Variants in TPST1 observed in about 807,000 individuals in gnomAD.
TPST1 encodes the protein tyrosylprotein sulfotransferase 1, also known as protein-tyrosine sulfotransferase 1.
In TPST1, 20 loss-of-function variants were observed where a neutral mutation model predicts 34.8. That is an observed-to-expected ratio of 0.57 (90% confidence interval 0.40 to 0.84). The LOEUF is 0.84. Ranked by LOEUF, TPST1 falls within the 40% of genes least tolerant of loss-of-function variation. The pLI, the probability that TPST1 is intolerant of heterozygous loss-of-function variation, is 0.00. For synonymous variants in TPST1, 152 were observed against 159.4 expected, an observed-to-expected ratio of 0.95 and a Z score of 0.35; for missense variants, 353 against 455.5, an observed-to-expected ratio of 0.78 and a Z score of 2.05.
intron 2 of TPST1, among the ~76,000 whole-genome samples, chr7:66,250,830 G>A (rs1466702584): frequency 6.6e-6 from 1 of 152,144 alleles, no homozygotes; most frequent in East Asian, 1.9e-4. Context: ...TTACTTCAAC[G>A]TAAGCACTGC....
At chr7:66,280,769 A>T (rs185916811) in intron 2 of TPST1, among the ~76,000 whole-genome samples, 3,834 of 152,190 alleles carry the variant, frequency 0.025, 83 homozygotes, top group Middle Eastern at 0.075. Flanking sequence ...CTTTTGATTG[A>T]TTTCTTGTTA....
intron 2 of TPST1, among the ~76,000 whole-genome samples, chr7:66,274,830 T>G (rs2115833446): frequency 6.6e-6 from 1 of 152,274 alleles, no homozygotes; most frequent in South Asian, 2.1e-4. Context: ...AAAAAATGCT[T>G]AGCATCGCTA....
chr7:66,245,324 A>G (rs903256617), intron 2 of TPST1, among the ~76,000 whole-genome samples: 7 of 152,204 alleles, frequency 4.6e-5, no homozygotes, highest in Non-Finnish European at 8.8e-5. Context: ...ATTTGTAGCC[A>G]GAGAGTAAGG....
intron 2 of TPST1, among the ~76,000 whole-genome samples, chr7:66,284,625 C>T (rs529241906): frequency 9.2e-5 from 13 of 141,724 alleles, no homozygotes; most frequent in African/African-American, 3.2e-4. Flanking sequence ...GGTGTGATCT[C>T]GGTTCACCGC....
At chr7:66,262,350 G>A (rs1248116270) in intron 2 of TPST1, among the ~76,000 whole-genome samples, 1 of 152,028 alleles carries the variant, frequency 6.6e-6, no homozygotes, top group African/African-American at 2.4e-5. Flanking sequence ...CTTTCATTGG[G>A]CATACAGAAA....
chr7:66,276,523 G>A (rs926211914), intron 2 of TPST1, among the ~76,000 whole-genome samples: 10 of 151,110 alleles, frequency 6.6e-5, no homozygotes, highest in Non-Finnish European at 1.3e-4. Flanking sequence ...ACAGGCATGT[G>A]CCATCATGCC....
At chr7:66,296,360 A>G (rs1288088383) in intron 3 of TPST1, among the ~76,000 whole-genome samples, 3 of 151,200 alleles carry the variant, frequency 2.0e-5, no homozygotes. Flanking sequence ...GTGGTAATGC[A>G]TACAAACTGA....
intron 3 of TPST1, among the ~76,000 whole-genome samples, chr7:66,301,405 A>G (rs1025783957): frequency 1.3e-5 from 2 of 152,214 alleles, no homozygotes; most frequent in Non-Finnish European, 2.9e-5. Flanking sequence ...TGTTCATTGG[A>G]GTAGCACTTG....
chr7:66,337,604 C>G (rs377184159), intron 3 of TPST1, among the ~76,000 whole-genome samples: 1 of 151,990 alleles, frequency 6.6e-6, no homozygotes, highest in African/African-American at 2.4e-5. Context: ...CCACCATGTC[C>G]GGCCGACAAA....
intron 1 of TPST1, among the ~76,000 whole-genome samples, chr7:66,230,925 G>C (rs762087977): frequency 2.0e-5 from 3 of 152,124 alleles, no homozygotes; most frequent in Non-Finnish European, 4.4e-5. Context: ...ACAGTGTATC[G>C]ACACAAAGGT....
At chr7:66,262,333 T>A (rs1790504228) in intron 2 of TPST1, among the ~76,000 whole-genome samples, 1 of 152,096 alleles carries the variant, frequency 6.6e-6, no homozygotes. Context: ...CCACCTCCCT[T>A]CCTCTTCTTT....
At chr7:66,303,193 A>G (rs1791352044) in intron 3 of TPST1, among the ~76,000 whole-genome samples, 1 of 152,144 alleles carries the variant, frequency 6.6e-6, no homozygotes, top group East Asian at 1.9e-4. Flanking sequence ...ACATGCCTTC[A>G]TCTGAAAATG....
intron 1 of TPST1, among the ~76,000 whole-genome samples, chr7:66,238,533 C>T (rs1262159836): frequency 5.3e-5 from 8 of 151,912 alleles, no homozygotes; most frequent in Middle Eastern, 3.4e-3. Context: ...AGATTCTGCT[C>T]GGTAGCAGGC....
Position 66,241,114 on chromosome 7 carries a change from G to T in TPST1, c.689G>T (p.Gly230Val). 6.2e-7 allele frequency: 1 copy of T among 1,614,142 alleles called. No homozygotes were observed. Among genetic ancestry groups the T allele is most frequent in the Non-Finnish European group, 8.5e-7 (1 of 1,180,022 alleles). The part of the protein sequence containing the change: ...ETMYNQCMEV[G>V]YKKCMLVHYE... ...ATGTATAACCAGTGTATGGAGGTTG[G>T]TTATAAAAAGTGCATGTTGGTTCAC... is the stretch of plus-strand genomic sequence containing the variant. Residue 230 changes from glycine (G) to valine (V), a missense_variant, in exon 2 of 6, where the codon GGT becomes GTT. Gly to Val is a moderately radical substitution (Grantham distance 109). Transcript: ENST00000304842.
intron 3 of TPST1, among the ~76,000 whole-genome samples, chr7:66,315,371 G>A (rs1206060210): frequency 1.3e-5 from 2 of 152,248 alleles, no homozygotes; most frequent in African/African-American, 2.4e-5. Flanking sequence ...AACAGCCACT[G>A]TCAGCACAGA....
At chr7:66,201,346 C>T (rs554680307), upstream of TPST1, among the ~76,000 whole-genome samples, 1 of 147,314 alleles carries the variant, frequency 6.8e-6, no homozygotes, top group East Asian at 2.0e-4. Flanking sequence ...GAGTTCAAGA[C>T]CAGTTTGGGC....
chr7:66,293,563 T>C (rs1791131669), intron 3 of TPST1, among the ~76,000 whole-genome samples: 1 of 152,142 alleles, frequency 6.6e-6, no homozygotes, highest in Non-Finnish European at 1.5e-5. Context: ...ATCAGCAGTC[T>C]TCCACTGCAT....
At chr7:66,340,006 C>G (rs1037363398) in intron 3 of TPST1, among the ~76,000 whole-genome samples, 6 of 152,026 alleles carry the variant, frequency 3.9e-5, no homozygotes, top group Admixed American at 1.3e-4. Flanking sequence ...ATTCAGCATC[C>G]CTTCTTGATA....
upstream of TPST1, among the ~76,000 whole-genome samples, chr7:66,204,407 G>T (rs1420430802): frequency 1.3e-5 from 2 of 152,182 alleles, no homozygotes; most frequent in Admixed American, 1.3e-4. Context: ...GCAGGGACGG[G>T]GTTTCACTAT....
Sources: allele counts gnomAD v4.1 joint callset (sites outside exome capture counted in the v4.1 genomes callset), GRCh38; gene constraint gnomAD v4.1.1; transcripts MANE v1.5; gene names NCBI Gene and HGNC (gene_info 2026-07-23, HGNC 2026-07-21).